Variants in SPIRE1 observed in about 807,000 individuals in gnomAD.
SPIRE1 encodes the protein spire type actin nucleation factor 1.
A neutral mutation model predicts 94.1 loss-of-function variants in SPIRE1; 40 were observed. That is an observed-to-expected ratio of 0.43 (90% CI 0.33 to 0.55). The LOEUF (loss-of-function observed/expected upper bound fraction) is 0.55. Ranked by LOEUF, SPIRE1 falls within the 20% of genes least tolerant of loss-of-function variation. SPIRE1 has a pLI of 0.06. For synonymous variants in SPIRE1, 376 were observed against 371.7 expected, an observed-to-expected ratio of 1.01 and a Z score of -0.13; for missense variants, 838 against 975.2, an observed-to-expected ratio of 0.86 and a Z score of 1.87.
intron 12 of SPIRE1, 150 bp from the exon 13 acceptor site, chr18:12,454,633 G>A: frequency 1.5e-6 from 1 of 655,654 alleles, no homozygotes; most frequent in South Asian, 1.8e-5. Context: ...CTCCCTCTGG[G>A]GACCACATCA....
Position 12,472,772 on chromosome 18 carries a change from T to C in SPIRE1, c.1404+6927A>G, listed in dbSNP as rs569955375. ...AACTCCTGGGCTCAAGTGATCCTCC[T>C]GCCTCAGCCTTCCAGTAGCTAGGAC... is the stretch of plus-strand genomic sequence containing the variant. On this transcript the variant is annotated intron_variant, in intron 10 of 16. Transcript: ENST00000409402. 2.6e-5 allele frequency among the ~76,000 whole-genome samples: 4 copies of C among 152,120 alleles called. No homozygotes were observed. In the East Asian group the frequency reaches 5.8e-4, roughly 22 times the overall value.
intron 2 of SPIRE1, among the ~76,000 whole-genome samples, chr18:12,589,017 T>C (rs114879782): frequency 0.025 from 3,844 of 152,160 alleles, 167 homozygotes; most frequent in African/African-American, 0.087. Flanking sequence ...TACAGATACA[T>C]ACAGAGATAG....
rs765397535 is a variant in SPIRE1 at position 12,452,424 on chromosome 18, T to C, written c.1876-33A>G. On this transcript the variant is annotated intron_variant, in intron 15 of 16. Coordinates refer to ENST00000409402, the MANE Select transcript of SPIRE1 (RefSeq NM_001128626.2). The stretch of plus-strand genomic sequence containing the variant: ...CCCAAATAAAACTGGCAATGAGCAG[T>C]ACCGTTAAAGAGGCAGTCACTAAAA... 1.9e-6 allele frequency: 3 copies of C among 1,614,030 alleles called. No individual in the cohort carries two copies. In the Admixed American group the frequency reaches 5.0e-5, roughly 27 times the overall value.
At chr18:12,607,612 C>T (rs1002140758) in intron 2 of SPIRE1, among the ~76,000 whole-genome samples, 59 of 151,442 alleles carry the variant, frequency 3.9e-4, no homozygotes, top group East Asian at 2.1e-3. Context: ...CACACACACA[C>T]ACACACACAC....
intron 3 of SPIRE1, among the ~76,000 whole-genome samples, chr18:12,544,174 T>TA (rs1022895590): frequency 5.3e-5 from 8 of 151,864 alleles, no homozygotes; most frequent in African/African-American, 1.9e-4. Flanking sequence ...TATAAAACCT[T>TA]AAAAAAATTT....
At position 12,455,599 on chromosome 18, in the gene SPIRE1, T is replaced by C. The variant is rs139079565; in HGVS notation, c.1639-1116A>G. Among the ~76,000 whole-genome samples, 730 of 152,318 alleles carry C rather than the reference T, an allele frequency of 4.8e-3. 4 individuals carry two copies. The highest frequency in any genetic ancestry group is 0.019 in the South Asian group (91 of 4,826). On this transcript the variant is annotated intron_variant, in intron 12 of 16. Coordinates refer to ENST00000409402, the MANE Select transcript of SPIRE1 (RefSeq NM_001128626.2). The stretch of plus-strand genomic sequence containing the variant: ...GAAGATGTTGATGTAACTGATCTCA[T>C]TGAATAAGAGCCTCACACCCATCCG...
intron 2 of SPIRE1, among the ~76,000 whole-genome samples, chr18:12,627,336 T>G (rs2037660012): frequency 6.6e-6 from 1 of 152,072 alleles, no homozygotes; most frequent in Non-Finnish European, 1.5e-5. Flanking sequence ...CTTGCAATAG[T>G]TTGCTCAAAA....
At chr18:12,658,165 C>A (rs1263067846), upstream of SPIRE1, 56 of 903,734 alleles carry the variant, frequency 6.2e-5, no homozygotes, top group East Asian at 5.6e-3. Context: ...AGCGCCCGCC[C>A]CTTAGGGGGC....
chr18:12,470,154 C>G (rs1304048491), intron 10 of SPIRE1, among the ~76,000 whole-genome samples: 1 of 151,980 alleles, frequency 6.6e-6, no homozygotes, highest in African/African-American at 2.4e-5. Context: ...ACTATGTTGC[C>G]CAGGCTGGTC....
At chr18:12,556,708 G>C (rs2144357529) in intron 2 of SPIRE1, among the ~76,000 whole-genome samples, 1 of 152,298 alleles carries the variant, frequency 6.6e-6, no homozygotes, top group African/African-American at 2.4e-5. Flanking sequence ...CTCCCGCTGG[G>C]TTCATGGTCT....
intron 12 of SPIRE1, among the ~76,000 whole-genome samples, chr18:12,456,161 T>C (rs1000745127): frequency 1.3e-5 from 2 of 152,194 alleles, no homozygotes; most frequent in Non-Finnish European, 2.9e-5. Context: ...CTAAAATGCC[T>C]AAAATACGCA....
chr18:12,547,825 C>T (rs372596444), intron 2 of SPIRE1, among the ~76,000 whole-genome samples: 42 of 152,158 alleles, frequency 2.8e-4, no homozygotes, highest in African/African-American at 9.2e-4. Flanking sequence ...GCCGGTAATC[C>T]CAGTTTCTTG....
chr18:12,618,224 C>T lies in SPIRE1; in HGVS notation c.372+16838G>A, dbSNP rs1018074112. On this transcript the variant is annotated intron_variant, in intron 2 of 16. Transcript: ENST00000409402. ...TCACGCCATTCTCCTGCCTCAGCCT[C>T]CCGAGTAGCTGGGACTACAGGCACC... 1.1e-3 allele frequency among the ~76,000 whole-genome samples: 170 copies of T among 152,202 alleles called. 1 individual carries two copies. Among genetic ancestry groups the T allele is most frequent in the East Asian group, 7.1e-3 (37 of 5,178 alleles).
chr18:12,635,548 C>T (rs1338335524), intron 1 of SPIRE1, among the ~76,000 whole-genome samples: 2 of 152,136 alleles, frequency 1.3e-5, no homozygotes, highest in Non-Finnish European at 1.5e-5. Flanking sequence ...TAAATTCATA[C>T]TTTCTTTAAT....
At chr18:12,656,109 G>A (rs9950365) in intron 1 of SPIRE1, among the ~76,000 whole-genome samples, 56,538 of 151,592 alleles carry the variant, frequency 0.37, 10,717 homozygotes, top group Non-Finnish European at 0.43. Flanking sequence ...ATGTTGGCCA[G>A]GCTGGTCTCG....
chr18:12,522,566 T>C (rs188693510), intron 4 of SPIRE1, among the ~76,000 whole-genome samples: 1 of 152,304 alleles, frequency 6.6e-6, no homozygotes, highest in Non-Finnish European at 1.5e-5. Flanking sequence ...CAATTTAATA[T>C]TGGAAGAAGA....
In SPIRE1 at chr18:12,482,487, C is replaced by T. The variant is rs183648487; in HGVS notation, c.1232-2616G>A. 2.2e-3 allele frequency among the ~76,000 whole-genome samples: 334 copies of T among 152,126 alleles called. 4 individuals are homozygous for T. The highest frequency in any genetic ancestry group is 1.3e-3 in the Non-Finnish European group (90 of 68,004). On this transcript the variant is annotated intron_variant, in intron 9 of 16. Coordinates refer to ENST00000409402, the MANE Select transcript of SPIRE1 (RefSeq NM_001128626.2). ...TGCAAAATAAATAAATAAATAAATA[C>T]TTTTTGCTGCAGAAAAAAAATACTG...
intron 1 of SPIRE1, among the ~76,000 whole-genome samples, chr18:12,639,594 T>A (rs1023354531): frequency 1.3e-5 from 2 of 152,014 alleles, no homozygotes; most frequent in Non-Finnish European, 2.9e-5. Context: ...TAGCTGTGCA[T>A]GGTGGCAGAT....
intron 2 of SPIRE1, among the ~76,000 whole-genome samples, chr18:12,601,757 A>G (rs2036840978): frequency 6.6e-6 from 1 of 152,140 alleles, no homozygotes; most frequent in African/African-American, 2.4e-5. Flanking sequence ...ATTTTTTCAC[A>G]GTGCCTGTTT....
Sources: gnomAD v4.1 joint callset for allele counts (sites outside exome capture counted in the v4.1 genomes callset) on GRCh38, gnomAD v4.1.1 for gene constraint, MANE v1.5 for transcripts, NCBI Gene and HGNC (gene_info 2026-07-23, HGNC 2026-07-21) for gene names.